Variants in IL16 observed in about 807,000 individuals in gnomAD.
IL16 encodes interleukin 16.
IL16 carries 67 observed loss-of-function variants against 110.1 expected under a neutral mutation model. The ratio of observed to expected loss-of-function variants is 0.61; its 90% CI spans 0.50 to 0.75. The LOEUF (loss-of-function observed/expected upper bound fraction) is 0.75, where lower values mean the gene tolerates loss of function less well. Ranked by LOEUF, IL16 falls within the 30% of genes least tolerant of loss-of-function variation. The pLI is 0.00. For synonymous variants in IL16, 689 were observed against 662.9 expected, an observed-to-expected ratio of 1.04 and a Z score of -0.61; for missense variants, 1,545 against 1,655.0, an observed-to-expected ratio of 0.93 and a Z score of 1.15.
chr15:81,296,173 T>C (rs754317289), intron 12 of IL16, among the ~76,000 whole-genome samples: 2 of 152,234 alleles, frequency 1.3e-5, no homozygotes, highest in African/African-American at 2.4e-5. Flanking sequence ...GGAAGCCTTC[T>C]CCACCTCTGG....
intron 13 of IL16, among the ~76,000 whole-genome samples, chr15:81,299,111 G>A (rs2141605650): frequency 6.6e-6 from 1 of 152,324 alleles, no homozygotes; most frequent in East Asian, 1.9e-4. Context: ...TAATATGCCA[G>A]AGGTCGGCCC....
chr15:81,203,116 A>G (rs1201611190), intron 1 of IL16, among the ~76,000 whole-genome samples: 1 of 151,762 alleles, frequency 6.6e-6, no homozygotes, highest in Non-Finnish European at 1.5e-5. Flanking sequence ...GGCTGCGTAA[A>G]TGTCTTCTTT....
chr15:81,208,002 T>A (rs1896099048), intron 1 of IL16, among the ~76,000 whole-genome samples: 1 of 152,188 alleles, frequency 6.6e-6, no homozygotes. Flanking sequence ...CAACAGTGTA[T>A]AAGCATTCCC....
At chr15:81,272,685 AAC>A (rs1456283447) in intron 5 of IL16, among the ~76,000 whole-genome samples, 1 of 152,176 alleles carries the variant, frequency 6.6e-6, no homozygotes, top group Non-Finnish European at 1.5e-5. Context: ...TTTACTTTCA[AAC>A]ACAACCCTGT....
chr15:81,286,505 C>A (rs933627935), intron 10 of IL16, among the ~76,000 whole-genome samples: 5 of 152,086 alleles, frequency 3.3e-5, no homozygotes, highest in African/African-American at 1.2e-4. Context: ...CAGATGTTGG[C>A]AGGGCATTGG....
In IL16 at chr15:81,286,961, G is replaced by A. The variant is rs139842795; in HGVS notation, c.1332+1131G>A. Reference sequence around the variant, plus strand: ...GAAAGGGGAAACCCCTTATAAAATCGTCAGATCTTGTGAGACTTATTCACT... The same window carrying A: ...GAAAGGGGAAACCCCTTATAAAATCATCAGATCTTGTGAGACTTATTCACT... On this transcript the variant is annotated intron_variant, in intron 10 of 18. Coordinates refer to ENST00000683961, the MANE Select transcript of IL16 (RefSeq NM_172217.5). Among the ~76,000 whole-genome samples the A allele has an allele frequency of 5.6e-3, 859 of 152,272 alleles. 31 individuals carry two copies. Among genetic ancestry groups the A allele is most frequent in the Admixed American group, 0.053 (805 of 15,296 alleles).
chr15:81,241,837 C>G (rs976367854), intron 2 of IL16, among the ~76,000 whole-genome samples: 1 of 151,964 alleles, frequency 6.6e-6, no homozygotes, highest in African/African-American at 2.4e-5. Flanking sequence ...ACAGTCACTT[C>G]CCTCCCAACC....
At chr15:81,188,458 T>C in intron 1 of IL16, 1 of 455,594 alleles carries the variant, frequency 2.2e-6, no homozygotes. Flanking sequence ...TGTATAAGTC[T>C]TATAATAACC....
At chr15:81,183,129 C>T (rs1454958213) in intron 1 of IL16, among the ~76,000 whole-genome samples, 1 of 152,196 alleles carries the variant, frequency 6.6e-6, no homozygotes, top group African/African-American at 2.4e-5. Context: ...TGGCTGAGTG[C>T]TCACCAAGTG....
Position 81,228,570 on chromosome 15 carries a change from C to T in IL16, c.312+2859C>T, listed in dbSNP as rs139327453. Among the ~76,000 whole-genome samples, 409 of 152,168 alleles carry T rather than the reference C, an allele frequency of 2.7e-3. 2 individuals are homozygous for T. Among genetic ancestry groups the T allele is most frequent in the African/African-American group, 9.3e-3 (385 of 41,502 alleles). ...AACTCCTGACCTCAAGTGATCTGCC[C>T]GCCTTGGCCTCCCAAAGTGCTTGGG... On this transcript the variant is annotated intron_variant, in intron 2 of 18. Transcript: ENST00000683961.
chr15:81,293,852 T>C (rs1011114309), intron 12 of IL16, among the ~76,000 whole-genome samples: 1 of 152,242 alleles, frequency 6.6e-6, no homozygotes, highest in Non-Finnish European at 1.5e-5. Context: ...AGTACTTTCA[T>C]GTACATTGTG....
intron 2 of IL16, among the ~76,000 whole-genome samples, chr15:81,239,257 C>A (rs899675582): frequency 1.1e-4 from 17 of 152,152 alleles, no homozygotes; most frequent in Admixed American, 1.1e-3. Flanking sequence ...TTTTAGTAGG[C>A]AGCCACTCTG....
chr15:81,215,741 G>T (rs1381904053), intron 1 of IL16, among the ~76,000 whole-genome samples: 1 of 152,162 alleles, frequency 6.6e-6, no homozygotes, highest in East Asian at 1.9e-4. Flanking sequence ...GAACCCATTT[G>T]TCTCACCCCT....
At chr15:81,265,861 C>T in intron 4 of IL16, 60 bp downstream of exon 4, 5 of 1,509,148 alleles carry the variant, frequency 3.3e-6, no homozygotes, top group Non-Finnish European at 4.5e-6. Flanking sequence ...GGGAGGGGCC[C>T]AACATTAACA....
intron 1 of IL16, among the ~76,000 whole-genome samples, chr15:81,186,165 C>T (rs771430274): frequency 2.0e-5 from 3 of 152,242 alleles, no homozygotes; most frequent in Non-Finnish European, 4.4e-5. Flanking sequence ...GCAGCTCCCT[C>T]TTCCTGAGTG....
chr15:81,263,507 G>GA (rs1248985001), intron 3 of IL16, among the ~76,000 whole-genome samples: 1 of 152,126 alleles, frequency 6.6e-6, no homozygotes, highest in Non-Finnish European at 1.5e-5. Flanking sequence ...GCAATGTTCT[G>GA]AAACAGTGGG....
chr15:81,233,760 A>C lies in IL16; in HGVS notation c.312+8049A>C, dbSNP rs562254155. Among the ~76,000 whole-genome samples the C allele has an allele frequency of 2.9e-4, 44 of 152,186 alleles. No homozygotes were observed. In the South Asian group the frequency reaches 4.8e-3, roughly 16 times the overall value. ...TAACCATTAATTTGCATGAATAGTC[A>C]AATAGAGAAGATATTTGTCTACCCA... is the stretch of plus-strand genomic sequence containing the variant. On this transcript the variant is annotated intron_variant, in intron 2 of 18. Coordinates refer to ENST00000683961, the MANE Select transcript of IL16 (RefSeq NM_172217.5).
At chr15:81,214,881 C>G (rs766599386) in intron 1 of IL16, among the ~76,000 whole-genome samples, 7 of 152,160 alleles carry the variant, frequency 4.6e-5, no homozygotes, top group Non-Finnish European at 1.0e-4. Flanking sequence ...AGTCTTAGAG[C>G]TCTGAGATTC....
chr15:81,290,105 G>T (rs1483039421), intron 10 of IL16: 2 of 344,052 alleles, frequency 5.8e-6, no homozygotes, highest in Admixed American at 8.7e-5. Flanking sequence ...TGTTGATAAT[G>T]ATGATGTCAT....
Sources: allele counts gnomAD v4.1 joint callset (sites outside exome capture counted in the v4.1 genomes callset), GRCh38; gene constraint gnomAD v4.1.1; transcripts MANE v1.5; gene names NCBI Gene and HGNC (gene_info 2026-07-23, HGNC 2026-07-21).